Variants in GEMIN2 observed in about 807,000 individuals in gnomAD.
GEMIN2 encodes the protein gem-associated protein 2.
Under a neutral mutation model 45.8 loss-of-function variants are expected in GEMIN2, and 37 were observed. That is an observed-to-expected ratio of 0.81 (90% CI 0.62 to 1.06). GEMIN2 has a LOEUF of 1.06. Ranked by LOEUF, GEMIN2 falls within the 50% of genes least tolerant of loss-of-function variation. The pLI is 0.00. For synonymous variants in GEMIN2, 101 were observed against 111.5 expected (o/e 0.91, Z 0.60); for missense variants, 335 against 321.8 (o/e 1.04, Z -0.31).
intron 4 of GEMIN2, 87 bp downstream of exon 4, chr14:39,118,686 G>T: frequency 1.5e-6 from 1 of 646,534 alleles, no homozygotes; most frequent in Non-Finnish European, 2.9e-6. Flanking sequence ...AGATTCACTT[G>T]CCTAGTCAGT....
At chr14:39,132,982 G>A (rs2052737421) in intron 8 of GEMIN2, among the ~76,000 whole-genome samples, 3 of 119,120 alleles carry the variant, frequency 2.5e-5, no homozygotes, top group Admixed American at 7.9e-5. Context: ...CCTGGTGTGT[G>A]TGTGTGTGTG....
At chr14:39,121,416 C>G (rs2052571384) in intron 4 of GEMIN2, among the ~76,000 whole-genome samples, 1 of 152,124 alleles carries the variant, frequency 6.6e-6, no homozygotes, top group South Asian at 2.1e-4. Context: ...TGCCTGTAGT[C>G]CCAGCTACTC....
At chr14:39,128,517 G>T (rs1176809264) in intron 7 of GEMIN2, among the ~76,000 whole-genome samples, 169 bp downstream of exon 7, 3 of 117,926 alleles carry the variant, frequency 2.5e-5, no homozygotes, top group African/African-American at 1.0e-4. Context: ...TTGAGACAAG[G>T]TCTCGCTCTG....
chr14:39,134,560 A>G, intron 9 of GEMIN2, among the ~76,000 whole-genome samples: 1 of 152,220 alleles, frequency 6.6e-6, no homozygotes, highest in Non-Finnish European at 1.5e-5. Flanking sequence ...GAAGGCAAGT[A>G]ATCTTGTTTC....
intron 7 of GEMIN2, among the ~76,000 whole-genome samples, chr14:39,131,031 C>T (rs554520253): frequency 2.6e-5 from 4 of 152,132 alleles, no homozygotes; most frequent in African/African-American, 9.6e-5. Context: ...GGCATGGTGG[C>T]TCACGCCTGT....
At chr14:39,120,816 C>T (rs1292196076) in intron 4 of GEMIN2, among the ~76,000 whole-genome samples, 1 of 152,008 alleles carries the variant, frequency 6.6e-6, no homozygotes, top group Non-Finnish European at 1.5e-5. Flanking sequence ...TTAGTAGAGA[C>T]GGGGTTTCAC....
chr14:39,128,737 A>G (rs899327840), intron 7 of GEMIN2, among the ~76,000 whole-genome samples: 1 of 151,644 alleles, frequency 6.6e-6, no homozygotes, highest in African/African-American at 2.4e-5. Flanking sequence ...ACTGAGTCCA[A>G]ATGATCCTGC....
intron 5 of GEMIN2, 187 bp downstream of exon 5, chr14:39,122,730 T>G: frequency 2.4e-6 from 1 of 417,126 alleles, no homozygotes. Context: ...GCTGAGACTT[T>G]ATGTGGCCTG....
chr14:39,116,335 C>T (rs1351561026), intron 2 of GEMIN2, among the ~76,000 whole-genome samples: 1 of 152,070 alleles, frequency 6.6e-6, no homozygotes, highest in Non-Finnish European at 1.5e-5. Context: ...CACGCCTGGC[C>T]AGCAAAGGTC....
chr14:39,135,640 C>T (rs562673495), intron 9 of GEMIN2, among the ~76,000 whole-genome samples: 9 of 151,714 alleles, frequency 5.9e-5, no homozygotes, highest in South Asian at 2.1e-4. Context: ...GTGACTCACA[C>T]CTGTAAGCCC....
At chr14:39,124,922 A>G in intron 5 of GEMIN2, 70 bp from the exon 6 acceptor site, 3 of 762,426 alleles carry the variant, frequency 3.9e-6, no homozygotes, top group Non-Finnish European at 6.9e-6. Flanking sequence ...CAAGAAATTC[A>G]CCAGTTTGAA....
chr14:39,117,154 C>A (rs1207472290), intron 2 of GEMIN2, among the ~76,000 whole-genome samples: 3 of 151,948 alleles, frequency 2.0e-5, no homozygotes, highest in Admixed American at 2.0e-4. Flanking sequence ...TGCCTGTAAT[C>A]CCAGCTACTC....
intron 1 of GEMIN2, 53 bp from the exon 2 acceptor site, chr14:39,114,776 C>T: frequency 1.9e-6 from 2 of 1,036,728 alleles, no homozygotes; most frequent in Non-Finnish European, 3.0e-6. Context: ...TTTACTACAC[C>T]TGAGCAAAGC....
At chr14:39,130,401 T>C (rs2052701053) in intron 7 of GEMIN2, among the ~76,000 whole-genome samples, 1 of 152,182 alleles carries the variant, frequency 6.6e-6, no homozygotes, top group Admixed American at 6.5e-5. Flanking sequence ...CTGGTGGAAA[T>C]ACAAATTTGG....
chr14:39,133,811 T>G, intron 9 of GEMIN2, 92 bp downstream of exon 9: 1 of 701,518 alleles, frequency 1.4e-6, no homozygotes, highest in Non-Finnish European at 2.3e-6. Context: ...TTGGTTGGTT[T>G]TTTTTTGAGT....
At chr14:39,122,796 A>G in intron 5 of GEMIN2, 1 of 311,010 alleles carries the variant, frequency 3.2e-6, no homozygotes, top group Non-Finnish European at 5.8e-6. Flanking sequence ...GCCAACCCAG[A>G]CTTAGTTTAT....
intron 7 of GEMIN2, among the ~76,000 whole-genome samples, chr14:39,131,334 C>T (rs1014361721): frequency 6.6e-6 from 1 of 152,112 alleles, no homozygotes; most frequent in African/African-American, 2.4e-5. Context: ...ATAGGAAAAA[C>T]AAGAACATTT....
intron 7 of GEMIN2, among the ~76,000 whole-genome samples, chr14:39,130,348 C>T (rs538263126): frequency 1.2e-4 from 18 of 151,934 alleles, no homozygotes; most frequent in Non-Finnish European, 2.4e-4. Flanking sequence ...TAGGTTTCCC[C>T]GAAGTGATAT....
At chr14:39,123,988 G>C in intron 5 of GEMIN2, among the ~76,000 whole-genome samples, 1 of 147,340 alleles carries the variant, frequency 6.8e-6, no homozygotes, top group Admixed American at 6.9e-5. Context: ...GAAACTCCTG[G>C]GCTCAGGCAA....
Sources: gnomAD v4.1 joint callset for allele counts (sites outside exome capture counted in the v4.1 genomes callset) on GRCh38, gnomAD v4.1.1 for gene constraint, MANE v1.5 for transcripts, NCBI Gene and HGNC (gene_info 2026-07-23, HGNC 2026-07-21) for gene names.